The following NCOA2 variants were observed in gnomAD, a reference collection of about 807,000 sequenced individuals.
The protein encoded by NCOA2 is class E basic helix-loop-helix protein 75.
NCOA2 carries 21 observed loss-of-function variants against 145.1 expected under a neutral mutation model. The ratio of observed to expected loss-of-function variants is 0.14; its 90% CI spans 0.10 to 0.21. The LOEUF (loss-of-function observed/expected upper bound fraction) is 0.21, where lower values mean the gene tolerates loss of function less well. Among genes scored for constraint, NCOA2 ranks in the 10% least tolerant of loss-of-function variants. NCOA2 has a pLI of 1.00. For missense variants in NCOA2, 1,472 were observed against 1,837.6 expected (o/e 0.80, Z 3.64); for synonymous variants, 619 against 637.5 (o/e 0.97, Z 0.44).
At chr8:70,396,915 T>C (rs78789208) in intron 1 of NCOA2, among the ~76,000 whole-genome samples, 2,829 of 152,300 alleles carry the variant, frequency 0.019, 38 homozygotes, top group Non-Finnish European at 0.03. Flanking sequence ...ATTATTTATT[T>C]CCCCCACTTA....
At chr8:70,325,695 G>C (rs1806494706) in intron 1 of NCOA2, among the ~76,000 whole-genome samples, 1 of 152,138 alleles carries the variant, frequency 6.6e-6, no homozygotes, top group African/African-American at 2.4e-5. Flanking sequence ...GAGCTATCGT[G>C]CCTGGCTGAA....
At chr8:70,319,780 G>C (rs1805897531) in intron 1 of NCOA2, among the ~76,000 whole-genome samples, 2 of 152,054 alleles carry the variant, frequency 1.3e-5, no homozygotes, top group African/African-American at 4.8e-5. Context: ...TAGTCAAACA[G>C]GCTTGTTATC....
intron 16 of NCOA2, 53 bp downstream of exon 16, chr8:70,131,784 C>T (rs746781265): frequency 1.1e-5 from 17 of 1,541,330 alleles, no homozygotes; most frequent in Non-Finnish European, 1.5e-5. Context: ...AAAATGGACA[C>T]CTCTGCGCCC....
At chr8:70,394,045 T>C (rs184268990) in intron 1 of NCOA2, among the ~76,000 whole-genome samples, 142 of 152,340 alleles carry the variant, frequency 9.3e-4, no homozygotes, top group African/African-American at 3.1e-3. Flanking sequence ...AAATAAAAAG[T>C]AGCACAGTAT....
At chr8:70,450,003 A>AT in the NCOA2 span, among the ~76,000 whole-genome samples, 11 of 142,906 alleles carry the variant, frequency 7.7e-5, no homozygotes, top group Non-Finnish European at 1.4e-4. Context: ...AATAATATAT[A>AT]CCTTTTTTTT....
At chr8:70,202,743 C>G (rs558554587) in intron 4 of NCOA2, among the ~76,000 whole-genome samples, 1 of 152,278 alleles carries the variant, frequency 6.6e-6, no homozygotes, top group East Asian at 1.9e-4. Flanking sequence ...AGATGAAATT[C>G]TAGAGATCCA....
chr8:70,291,933 G>A (rs532958072), intron 2 of NCOA2, among the ~76,000 whole-genome samples: 8 of 151,976 alleles, frequency 5.3e-5, no homozygotes, highest in African/African-American at 1.2e-4. Flanking sequence ...CCCCGTAGCC[G>A]GGTGCGGTGG....
intron 4 of NCOA2, among the ~76,000 whole-genome samples, chr8:70,178,761 T>C (rs1490871759): frequency 6.6e-6 from 1 of 152,190 alleles, no homozygotes; most frequent in Non-Finnish European, 1.5e-5. Context: ...TGTAACCGAA[T>C]TGGATTCTGC....
At chr8:70,148,154 T>C in intron 12 of NCOA2, 119 bp downstream of exon 12, 1 of 915,890 alleles carries the variant, frequency 1.1e-6, no homozygotes, top group East Asian at 2.4e-5. Context: ...TAGATGGTGC[T>C]ATTTGATCAC....
At chr8:70,231,497 C>T (rs1821129338) in intron 2 of NCOA2, among the ~76,000 whole-genome samples, 1 of 152,192 alleles carries the variant, frequency 6.6e-6, no homozygotes, top group African/African-American at 2.4e-5. Context: ...GCTTTTGAAA[C>T]CATAGTTTTC....
chr8:70,350,847 A>G (rs888961423), intron 1 of NCOA2, among the ~76,000 whole-genome samples: 6 of 152,188 alleles, frequency 3.9e-5, no homozygotes, highest in Non-Finnish European at 8.8e-5. Flanking sequence ...CGTTCTTATA[A>G]TGGGACATCG....
At chr8:70,294,570 G>C (rs953422075) in intron 2 of NCOA2, among the ~76,000 whole-genome samples, 2 of 152,130 alleles carry the variant, frequency 1.3e-5, no homozygotes, top group South Asian at 2.1e-4. Flanking sequence ...ACAAGTTAAG[G>C]TCTCCTAATG....
chr8:70,155,914 GA>G, intron 11 of NCOA2, 56 bp downstream of exon 11: 1 of 1,399,696 alleles, frequency 7.1e-7, no homozygotes, highest in Non-Finnish European at 9.6e-7. Context: ...CCCCTATGGA[GA>G]AAATCCTTGA....
chr8:70,140,266 C>T (rs1368943958), intron 14 of NCOA2, among the ~76,000 whole-genome samples: 1 of 152,194 alleles, frequency 6.6e-6, no homozygotes, highest in Non-Finnish European at 1.5e-5. Flanking sequence ...CTACTTCCTA[C>T]CTGAGCCCCT....
At chr8:70,387,861 G>A (rs1812813525) in intron 1 of NCOA2, among the ~76,000 whole-genome samples, 2 of 152,178 alleles carry the variant, frequency 1.3e-5, no homozygotes, top group Non-Finnish European at 2.9e-5. Context: ...TACAAGGAGA[G>A]TCCAATTTGT....
intron 4 of NCOA2, among the ~76,000 whole-genome samples, chr8:70,211,653 T>C (rs1259566612): frequency 4.6e-5 from 7 of 152,136 alleles, no homozygotes; most frequent in Non-Finnish European, 5.9e-5. Context: ...TTTGCCCAGG[T>C]TCAAAAAGCT....
At chr8:70,140,463 G>C (rs890345780) in intron 14 of NCOA2, among the ~76,000 whole-genome samples, 1 of 151,848 alleles carries the variant, frequency 6.6e-6, no homozygotes, top group African/African-American at 2.4e-5. Context: ...GTAAGACCTT[G>C]CAACCTTCAG....
At chr8:70,395,884 T>C (rs1813619995) in intron 1 of NCOA2, among the ~76,000 whole-genome samples, 1 of 152,228 alleles carries the variant, frequency 6.6e-6, no homozygotes, top group Non-Finnish European at 1.5e-5. Flanking sequence ...TACCGTGCAT[T>C]ATATTCTCGT....
chr8:70,380,945 G>GC (rs1053607564), intron 1 of NCOA2, among the ~76,000 whole-genome samples: 1 of 151,844 alleles, frequency 6.6e-6, no homozygotes, highest in Non-Finnish European at 1.5e-5. Context: ...GTGTGGTGGT[G>GC]CCCGCCTGTG....
Sources: gnomAD v4.1 joint callset for allele counts (sites outside exome capture counted in the v4.1 genomes callset) on GRCh38, gnomAD v4.1.1 for gene constraint, MANE v1.5 for transcripts, NCBI Gene and HGNC (gene_info 2026-07-23, HGNC 2026-07-21) for gene names.